Variants in VGLL4 observed in about 807,000 individuals in gnomAD.
VGLL4 encodes the protein transcription cofactor vestigial-like protein 4.
A neutral mutation model predicts 21.0 loss-of-function variants in VGLL4; 7 were observed. The observed-to-expected ratio is 0.33, with a 90% CI of 0.19 to 0.63. The LOEUF (loss-of-function observed/expected upper bound fraction) is 0.63. VGLL4 is among the 20% of genes least tolerant of loss of function. The probability of loss-of-function intolerance (pLI) is 0.78; values close to 1 mark genes in which losing one functional copy is unlikely to be tolerated. For synonymous variants in VGLL4, 222 were observed against 173.2 expected (o/e 1.28, Z -2.21); for missense variants, 394 against 425.7 (o/e 0.93, Z 0.66).
chr3:11,600,183 C>T (rs1312637338), intron 2 of VGLL4, among the ~76,000 whole-genome samples: 1 of 152,094 alleles, frequency 6.6e-6, no homozygotes, highest in Non-Finnish European at 1.5e-5. Context: ...TAGCTCTATA[C>T]ATTAACTATT....
chr3:11,648,225 G>C (rs1485247782), upstream of VGLL4, among the ~76,000 whole-genome samples: 4 of 152,110 alleles, frequency 2.6e-5, no homozygotes, highest in Admixed American at 2.6e-4. Flanking sequence ...AGTGTTACTG[G>C]GTAGAGACTA....
intron 1 of VGLL4, among the ~76,000 whole-genome samples, chr3:11,642,099 T>C (rs975631733): frequency 6.6e-6 from 1 of 151,992 alleles, no homozygotes; most frequent in Non-Finnish European, 1.5e-5. Flanking sequence ...CAGCAATGGC[T>C]GCTTACGGCT....
chr3:11,703,768 G>A (rs2076717467), intron 1 of VGLL4, among the ~76,000 whole-genome samples: 1 of 152,110 alleles, frequency 6.6e-6, no homozygotes, highest in South Asian at 2.1e-4. Context: ...CACAGTTACT[G>A]GCACACACAC....
chr3:11,659,142 C>T (rs750221511), intron 2 of VGLL4, among the ~76,000 whole-genome samples: 96 of 152,034 alleles, frequency 6.3e-4, no homozygotes, highest in South Asian at 1.2e-3. Flanking sequence ...GCCACGTTAA[C>T]GAAGATCTCA....
chr3:11,559,436 G>A lies in VGLL4; in HGVS notation c.515C>T (p.Thr172Ile). The A allele has an allele frequency of 6.4e-7, 1 of 1,567,256 alleles. No homozygotes were observed. The highest frequency in any genetic ancestry group is 8.6e-7 in the Non-Finnish European group (1 of 1,156,818). ...GTTGCGGGCGCCAGCCGAGGCACAG[G>A]TGATCACGGAGGGCCGGTTCTGCGG... ...ERQQNRPSVI[T>I]CASAGARNCN... The change falls in exon 4 of 5, where the codon ACC becomes ATC. Residue 172 changes from threonine (T) to isoleucine (I), a missense_variant. Physicochemically the swap from Thr to Ile is moderately conservative, Grantham distance 89. Coordinates refer to ENST00000430365, the MANE Select transcript of VGLL4 (RefSeq NM_001128219.3).
intron 2 of VGLL4, among the ~76,000 whole-genome samples, chr3:11,668,831 C>A (rs1231923509): frequency 6.6e-6 from 1 of 152,228 alleles, no homozygotes; most frequent in African/African-American, 2.4e-5. Flanking sequence ...GACCTCAGAA[C>A]TCATCTCCCA....
intron 2 of VGLL4, among the ~76,000 whole-genome samples, chr3:11,594,212 C>T (rs1037838070): frequency 1.3e-5 from 2 of 152,206 alleles, no homozygotes; most frequent in Non-Finnish European, 2.9e-5. Context: ...GTAGCTATGG[C>T]ATCATCAAAT....
chr3:11,628,623 A>G (rs2075407907), intron 1 of VGLL4, among the ~76,000 whole-genome samples: 1 of 151,404 alleles, frequency 6.6e-6, no homozygotes, highest in African/African-American at 2.4e-5. Flanking sequence ...GATTGAGACC[A>G]TCCTAGCTAA....
rs530847427 is a variant in VGLL4 at position 11,683,545 on chromosome 3, A to G, written c.64+19426T>C. Among the ~76,000 whole-genome samples, 84 of 152,320 alleles carry G rather than the reference A, an allele frequency of 5.5e-4. No individual in the cohort carries two copies. The South Asian group carries it at 5.6e-3, about 10-fold the overall frequency. ...ACTGAATCAACTTCAGTGCTCATCA[A>G]TCGATGAGTGGATAAAGAAAATGCG... On this transcript the variant is annotated intron_variant, in intron 2 of 5. Coordinates refer to the VGLL4 transcript ENST00000273038.
At chr3:11,705,920 CA>C (rs11335186) in intron 1 of VGLL4, among the ~76,000 whole-genome samples, 26,879 of 131,150 alleles carry the variant, frequency 0.2, 3,363 homozygotes, top group African/African-American at 0.41. Context: ...GACTCCGTCT[CA>C]AAAAAAAAAA....
intron 2 of VGLL4, among the ~76,000 whole-genome samples, chr3:11,593,787 A>AGG (rs2074563747): frequency 6.6e-6 from 1 of 152,150 alleles, no homozygotes; most frequent in South Asian, 2.1e-4. Flanking sequence ...CAAGGGGCCC[A>AGG]TCTCACACCA....
chr3:11,641,318 A>G (rs1001516176), intron 1 of VGLL4, among the ~76,000 whole-genome samples: 2 of 152,160 alleles, frequency 1.3e-5, no homozygotes, highest in Non-Finnish European at 2.9e-5. Context: ...CCCTAAATGA[A>G]ATCAAATGTT....
At chr3:11,564,691 T>TCCCTCACCACCG (rs2073365189) in intron 3 of VGLL4, 106 bp downstream of exon 3, 3 of 1,276,540 alleles carry the variant, frequency 2.4e-6, no homozygotes, top group Admixed American at 2.2e-5. Context: ...CCTCACCACC[T>TCCCTCACCACCG]CCCTCCCTCA....
At chr3:11,665,715 A>C (rs2076112828) in intron 2 of VGLL4, among the ~76,000 whole-genome samples, 1 of 152,106 alleles carries the variant, frequency 6.6e-6, no homozygotes, top group Non-Finnish European at 1.5e-5. Context: ...TTTACTGATC[A>C]CCTCCCAGGT....
intron 4 of VGLL4, among the ~76,000 whole-genome samples, 185 bp downstream of exon 4, chr3:11,559,147 C>G (rs1451361367): frequency 2.0e-5 from 3 of 152,204 alleles, no homozygotes; most frequent in Non-Finnish European, 4.4e-5. Context: ...CGGTGTGTTT[C>G]TCATGCCCTT....
rs549743385 is a variant in VGLL4, at chr3:11,558,688, G to A, written c.759C>T (p.Asp253=). ...TGGCCGCTTTGATCTGGAGCCACGTGTCACCCAGAGCTTTGGCAAAGTGGT... is the reference window on the plus strand; with the variant it reads ...TGGCCGCTTTGATCTGGAGCCACGTATCACCCAGAGCTTTGGCAAAGTGGT... ...VDDHFAKALG[D]TWLQIKAAKD... Residue 253 remains aspartate (D), a synonymous_variant, in exon 5 of 5, where the codon GAC becomes GAT. Transcript: ENST00000430365. The A allele has an allele frequency of 7.5e-5, 121 of 1,613,924 alleles. 3 individuals are homozygous for A. In the South Asian group the frequency reaches 1.3e-3, roughly 18 times the overall value.
chr3:11,602,334 T>A (rs965185555), intron 1 of VGLL4, among the ~76,000 whole-genome samples: 2 of 152,198 alleles, frequency 1.3e-5, no homozygotes, highest in African/African-American at 4.8e-5. Flanking sequence ...AAAAGTTAAT[T>A]TAAAACACCA....
chr3:11,630,841 G>A lies in VGLL4; in HGVS notation c.82+12596C>T, dbSNP rs192499598. Among the ~76,000 whole-genome samples, 65 of 152,164 alleles carry A rather than the reference G, an allele frequency of 4.3e-4. 1 individual carries two copies. In the East Asian group the frequency reaches 0.012, roughly 27 times the overall value. On this transcript the variant is annotated intron_variant, in intron 1 of 4. Transcript: ENST00000430365. Reference sequence around the variant, plus strand: ...AAATGACCACATATGTCCACAAAAAGCTTGCATAAAAATGTTCGAACACTG... The same window carrying A: ...AAATGACCACATATGTCCACAAAAAACTTGCATAAAAATGTTCGAACACTG...
intron 2 of VGLL4, among the ~76,000 whole-genome samples, chr3:11,691,840 G>A (rs762487553): frequency 6.6e-6 from 1 of 152,116 alleles, no homozygotes; most frequent in Non-Finnish European, 1.5e-5. Flanking sequence ...GCCTGAGTAG[G>A]TAAAGACAGC....
Sources: gnomAD v4.1 joint callset for allele counts (sites outside exome capture counted in the v4.1 genomes callset) on GRCh38, gnomAD v4.1.1 for gene constraint, MANE v1.5 for transcripts, NCBI Gene and HGNC (gene_info 2026-07-23, HGNC 2026-07-21) for gene names.